The following PLD1 variants were observed in gnomAD, a reference collection of about 807,000 sequenced individuals.
The protein encoded by PLD1 is phospholipase D1, also known as choline phosphatase 1.
In PLD1, 112 loss-of-function variants were observed where a neutral mutation model predicts 137.1. The ratio of observed to expected loss-of-function variants is 0.82; its 90% confidence interval spans 0.70 to 0.96. The LOEUF (loss-of-function observed/expected upper bound fraction) is 0.96. PLD1 is among the 40% of genes least tolerant of loss of function. The pLI is 0.00. For synonymous variants in PLD1, 431 were observed against 454.7 expected, an observed-to-expected ratio of 0.95 and a Z score of 0.66; for missense variants, 1,321 against 1,342.0, an observed-to-expected ratio of 0.98 and a Z score of 0.24.
rs371680354 is a variant in PLD1, at chr3:171,725,957, C to T, written c.665+61G>A. 1.1e-4 allele frequency: 122 copies of T among 1,114,762 alleles called. No homozygotes were observed. The African/African-American group carries it at 1.6e-3, about 15-fold the overall frequency. 69.1% of individuals were successfully genotyped at this position (1,114,762 alleles called of 1,614,324 possible). Reference sequence around the variant, plus strand: ...ACTCCATCACCATGGCATGCTGCTACGTTAAGTGTGAATGCAAATCAATTT... The same window carrying T: ...ACTCCATCACCATGGCATGCTGCTATGTTAAGTGTGAATGCAAATCAATTT... On this transcript the variant is annotated intron_variant, in intron 7 of 26. Coordinates refer to ENST00000351298, the MANE Select transcript of PLD1 (RefSeq NM_002662.5).
chr3:171,721,762 C>G (rs539570105), intron 8 of PLD1, among the ~76,000 whole-genome samples: 1 of 151,196 alleles, frequency 6.6e-6, no homozygotes, highest in African/African-American at 2.4e-5. Context: ...TCTCTCCCAG[C>G]GACAGATCAA....
At position 171,792,780 on chromosome 3, in the gene PLD1, G is replaced by A. The variant is rs759691437; in HGVS notation, c.-32+17619C>T. On this transcript the variant is annotated intron_variant, in intron 1 of 26. Transcript: ENST00000351298. ...AGAGCCCCACCCTCCCCCCAGATTTGCAAACTTGAAAAAAACAAGTCCTGG... is the reference window on the plus strand; with the variant it reads ...AGAGCCCCACCCTCCCCCCAGATTTACAAACTTGAAAAAAACAAGTCCTGG... The A allele has an allele frequency of 2.9e-5, 13 of 441,758 alleles. 1 individual carries two copies. In the Middle Eastern group the frequency reaches 9.9e-4, roughly 34 times the overall value. The allele number at this position is 441,758 out of a possible 1,614,324, so 27.4% of individuals were successfully genotyped here.
At chr3:171,655,461 A>G (rs1423796822) in intron 21 of PLD1, among the ~76,000 whole-genome samples, 1 of 152,162 alleles carries the variant, frequency 6.6e-6, no homozygotes, top group African/African-American at 2.4e-5. Flanking sequence ...TCTCAGGCTT[A>G]AGGAATCCTC....
chr3:171,633,154 T>C (rs539209630), intron 23 of PLD1, among the ~76,000 whole-genome samples: 2 of 152,136 alleles, frequency 1.3e-5, no homozygotes, highest in East Asian at 3.9e-4. Flanking sequence ...ATGAACTCTA[T>C]ACGGAAAGAA....
At chr3:171,653,106 T>A (rs1736921166) in intron 21 of PLD1, 1 of 152,126 alleles carries the variant, frequency 6.6e-6, no homozygotes, top group African/African-American at 2.4e-5. Context: ...TTGGCTAAGT[T>A]ATCTAATTTC....
intron 23 of PLD1, among the ~76,000 whole-genome samples, chr3:171,626,222 C>T (rs562322236): frequency 1.1e-4 from 17 of 152,124 alleles, no homozygotes; most frequent in Admixed American, 9.2e-4. Flanking sequence ...CCTCAAGAGC[C>T]GATGCGATCA....
intron 1 of PLD1, among the ~76,000 whole-genome samples, chr3:171,763,861 G>T (rs2108313186): frequency 8.8e-6 from 1 of 113,922 alleles, no homozygotes. Flanking sequence ...TTGAGATAGA[G>T]TCTTGCTCTG....
chr3:171,627,300 GA>G (rs1439316122), intron 23 of PLD1, among the ~76,000 whole-genome samples: 1 of 152,010 alleles, frequency 6.6e-6, no homozygotes, highest in African/African-American at 2.4e-5. Context: ...AATTCAACAA[GA>G]AGAGCTAACT....
chr3:171,798,151 T>A (rs933418148), intron 1 of PLD1, among the ~76,000 whole-genome samples: 12 of 152,302 alleles, frequency 7.9e-5, no homozygotes, highest in African/African-American at 2.6e-4. Flanking sequence ...TCGGACAGGA[T>A]CAAAGTAGAC....
intron 1 of PLD1, among the ~76,000 whole-genome samples, chr3:171,761,098 T>C (rs1721363290): frequency 2.0e-5 from 3 of 152,212 alleles, no homozygotes; most frequent in African/African-American, 7.2e-5. Flanking sequence ...CGTATACATG[T>C]ATAGGCTGGC....
At chr3:171,798,102 A>T (rs1723502436) in intron 1 of PLD1, among the ~76,000 whole-genome samples, 1 of 152,246 alleles carries the variant, frequency 6.6e-6, no homozygotes, top group East Asian at 1.9e-4. Flanking sequence ...CTTAAGTAAG[A>T]TTGTCCTATT....
In PLD1 at chr3:171,603,281, C is replaced by T; in HGVS notation, c.3022G>A (p.Asp1008Asn). ...YDKVFRCLPNDEVHNLIQLRD... is the reference protein window; with the variant it reads ...YDKVFRCLPNNEVHNLIQLRD... ...AGCTGAATTAAATTGTGTACTTCAT[C>T]ATTGGGAAGGCACCGGAAAACCTGA... Residue 1008 changes from aspartate to asparagine, a missense_variant, in exon 27 of 27, where the codon GAT becomes AAT. Coordinates refer to ENST00000351298, the MANE Select transcript of PLD1 (RefSeq NM_002662.5). 1 of 1,613,894 alleles carries T rather than the reference C, an allele frequency of 6.2e-7. No individual in the cohort carries two copies. Among genetic ancestry groups the T allele is most frequent in the African/African-American group, 1.3e-5 (1 of 75,036 alleles).
chr3:171,657,746 A>G lies in PLD1; in HGVS notation c.2429+1467T>C, dbSNP rs532123906. On this transcript the variant is annotated intron_variant, in intron 21 of 26. Transcript: ENST00000351298. ...CCTAGATCAGGCAGTGATTTCTTAG[A>G]TATCACTATCTATATTCCTTAGATA... is the stretch of plus-strand genomic sequence containing the variant. 7.2e-5 allele frequency among the ~76,000 whole-genome samples: 11 copies of G among 152,336 alleles called. No individual in the cohort carries two copies. The South Asian group carries it at 2.3e-3, about 32-fold the overall frequency.
At chr3:171,616,288 T>A (rs2108281860) in intron 24 of PLD1, among the ~76,000 whole-genome samples, 1 of 152,328 alleles carries the variant, frequency 6.6e-6, no homozygotes, top group South Asian at 2.1e-4. Context: ...TGAAGAAATT[T>A]CTGAATTTTA....
chr3:171,803,159 A>C (rs577376663), intron 1 of PLD1, among the ~76,000 whole-genome samples: 1 of 152,206 alleles, frequency 6.6e-6, no homozygotes, highest in Non-Finnish European at 1.5e-5. Context: ...GGAGAATTCT[A>C]TCTCTACAAA....
intron 1 of PLD1, among the ~76,000 whole-genome samples, chr3:171,764,953 A>AG (rs71178236): frequency 0.015 from 802 of 54,948 alleles, 124 homozygotes; most frequent in Middle Eastern, 0.04. Flanking sequence ...AAAGAAAGAA[A>AG]GAAAGAAAGA....
At chr3:171,772,596 C>G (rs907823665) in intron 1 of PLD1, among the ~76,000 whole-genome samples, 2 of 152,058 alleles carry the variant, frequency 1.3e-5, no homozygotes, top group Non-Finnish European at 2.9e-5. Flanking sequence ...AAAAAGAAAA[C>G]GAGCCTCAAG....
At chr3:171,768,468 C>A (rs143624268) in intron 1 of PLD1, among the ~76,000 whole-genome samples, 42 of 152,298 alleles carry the variant, frequency 2.8e-4, no homozygotes, top group African/African-American at 9.6e-4. Context: ...CCGTACGCTG[C>A]AAAGATCAAG....
At chr3:171,652,488 T>C (rs1034394915) in intron 21 of PLD1, among the ~76,000 whole-genome samples, 1 of 152,094 alleles carries the variant, frequency 6.6e-6, no homozygotes, top group African/African-American at 2.4e-5. Flanking sequence ...CCAACATGTC[T>C]TTTCAGTTTG....
Sources: allele counts gnomAD v4.1 joint callset (sites outside exome capture counted in the v4.1 genomes callset), GRCh38; gene constraint gnomAD v4.1.1; transcripts MANE v1.5; gene names NCBI Gene and HGNC (gene_info 2026-07-23, HGNC 2026-07-21).